Variants in VDR observed in about 807,000 individuals in gnomAD.
VDR encodes the protein vitamin D3 receptor.
In VDR, 19 loss-of-function variants were observed where a neutral mutation model predicts 39.7. That is an observed-to-expected ratio of 0.48 (90% CI 0.33 to 0.70). The LOEUF (loss-of-function observed/expected upper bound fraction) is 0.70, where lower values mean the gene tolerates loss of function less well. Ranked by LOEUF, VDR falls within the 30% of genes least tolerant of loss-of-function variation. The pLI is 0.02. For synonymous variants in VDR, 242 were observed against 215.8 expected (o/e 1.12, Z -1.07); for missense variants, 442 against 570.5 (o/e 0.77, Z 2.29).
chr12:47,903,380 C>A (rs984607891), intron 1 of VDR, among the ~76,000 whole-genome samples: 13 of 152,216 alleles, frequency 8.5e-5, no homozygotes, highest in Non-Finnish European at 1.8e-4. Flanking sequence ...GCAGGGAGGG[C>A]TACTTCTGTT....
intron 6 of VDR, 72 bp from the exon 7 acceptor site, chr12:47,855,873 C>T (rs150608767): frequency 2.5e-6 from 4 of 1,593,136 alleles, no homozygotes; most frequent in Non-Finnish European, 2.6e-6. Context: ...CCAGACCCTG[C>T]AAAAACCTGG....
chr12:47,865,155 G>A lies in VDR; in HGVS notation c.169C>T (p.Leu57=), dbSNP rs1158802070. Residue 57 remains leucine, a synonymous_variant, in exon 4 of 10, where the codon CTA becomes TTA. Transcript: ENST00000549336. ...TCCCCGTTGAAGGGGCAGGTGAATA[G>A]TGCCTTCCGCTTCATGCTTCGCCTG... The part of the protein sequence containing the change: ...FFRRSMKRKA[L]FTCPFNGDCR... 6.2e-7 allele frequency: 1 copy of A among 1,613,132 alleles called. No homozygotes were observed. The highest frequency in any genetic ancestry group is 8.5e-7 in the Non-Finnish European group (1 of 1,179,422).
chr12:47,892,580 C>T (rs1035721159), intron 1 of VDR, among the ~76,000 whole-genome samples: 11 of 152,230 alleles, frequency 7.2e-5, no homozygotes, highest in Admixed American at 6.5e-4. Context: ...CTGGCCTCTG[C>T]TGCCTTATCT....
rs576935202 is a variant in VDR at position 47,890,016 on chromosome 12, A to C, written c.-83-7242T>G. 1.3e-4 allele frequency among the ~76,000 whole-genome samples: 19 copies of C among 151,508 alleles called. No individual in the cohort carries two copies. In the South Asian group the frequency reaches 3.4e-3, roughly 27 times the overall value. On this transcript the variant is annotated intron_variant, in intron 1 of 9. Coordinates refer to ENST00000549336, the MANE Select transcript of VDR (RefSeq NM_000376.3). ...TAATTGCACATCACTCCTTTATTATACTGATCTGGAAAAAGGATTTAGTAC... is the reference window on the plus strand; with the variant it reads ...TAATTGCACATCACTCCTTTATTATCCTGATCTGGAAAAAGGATTTAGTAC...
Position 47,879,117 on chromosome 12 carries a change from TGTAA to T in VDR, c.-2-6_-2-3del. ...TGCTGGCCGCCATTGCCTCCATCCC[TGTAA>T]GAACAGCAAGCAGGCCACGGTCAGA... On this transcript the variant is annotated splice_region_variant and splice_polypyrimidine_tract_variant and intron_variant, in intron 2 of 9. Transcript: ENST00000549336. 1 of 1,613,602 alleles carries T rather than the reference TGTAA, an allele frequency of 6.2e-7. No homozygotes were observed.
At chr12:47,863,075 C>T (rs938708660) in intron 4 of VDR, among the ~76,000 whole-genome samples, 1 of 152,146 alleles carries the variant, frequency 6.6e-6, no homozygotes, top group African/African-American at 2.4e-5. Flanking sequence ...GGGTGGACAT[C>T]GCTTCTGGGC....
chr12:47,848,281 T>C (rs1945317866), intron 7 of VDR, among the ~76,000 whole-genome samples: 1 of 152,056 alleles, frequency 6.6e-6, no homozygotes, highest in Non-Finnish European at 1.5e-5. Context: ...TCCTCTCATC[T>C]TGGCCTCTCA....
chr12:47,844,915 G>C lies in VDR; in HGVS notation c.1115C>G (p.Pro372Arg), dbSNP rs771926584. The change falls in exon 10 of 10, where the codon CCG becomes CGG. Residue 372 changes from proline to arginine, a missense_variant. By Grantham distance (103) the Pro-to-Arg change is moderately radical (BLOSUM62 -2). Coordinates refer to ENST00000549336, the MANE Select transcript of VDR (RefSeq NM_000376.3). ...TLQTYIRCRHPPPGSHLLYAK... is the reference protein window; with the variant it reads ...TLQTYIRCRHRPPGSHLLYAK... ...ATAGAGCAGGTGGCTGCCCGGGGGC[G>C]GGTGGCGGCAGCGGATGTACGTCTG... The C allele has an allele frequency of 6.2e-7, 1 of 1,614,016 alleles. No individual in the cohort carries two copies. Among genetic ancestry groups the C allele is most frequent in the Non-Finnish European group, 8.5e-7 (1 of 1,180,018 alleles).
intron 1 of VDR, among the ~76,000 whole-genome samples, chr12:47,889,021 C>G (rs751655879): frequency 1.3e-5 from 2 of 151,954 alleles, no homozygotes; most frequent in African/African-American, 4.8e-5. Flanking sequence ...CTCTGTATTC[C>G]ATATGTACAA....
Position 47,846,239 on chromosome 12 carries a change from C to T in VDR, c.1024+96G>A, listed in dbSNP as rs186193283. 5 of 1,016,376 alleles carry T rather than the reference C, an allele frequency of 4.9e-6. No individual in the cohort carries two copies. In the African/African-American group the frequency reaches 7.9e-5, roughly 16 times the overall value. The allele number at this position is 1,016,376 out of a possible 1,614,324, so 63.0% of individuals were successfully genotyped here. On this transcript the variant is annotated intron_variant, in intron 9 of 9. Coordinates refer to ENST00000549336, the MANE Select transcript of VDR (RefSeq NM_000376.3). ...TTATCTGTGTCTCCTTTTGCTACGTCTCCCTTCAGGTTGCCCAGCTGGCCC... is the reference window on the plus strand; with the variant it reads ...TTATCTGTGTCTCCTTTTGCTACGTTTCCCTTCAGGTTGCCCAGCTGGCCC...
At chr12:47,873,339 T>TA (rs1945924589) in intron 3 of VDR, among the ~76,000 whole-genome samples, 1 of 144,050 alleles carries the variant, frequency 6.9e-6, no homozygotes, top group Non-Finnish European at 1.5e-5. Context: ...ATGAGTCAAT[T>TA]AAACCTGTTT....
intron 1 of VDR, chr12:47,904,686 A>G: frequency 2.0e-6 from 3 of 1,510,610 alleles, no homozygotes; most frequent in Non-Finnish European, 2.7e-6. Flanking sequence ...CCAAGTGCTA[A>G]GCACTGTGTT....
chr12:47,894,763 C>G (rs1946435805), intron 1 of VDR, among the ~76,000 whole-genome samples: 3 of 152,152 alleles, frequency 2.0e-5, no homozygotes, highest in South Asian at 2.1e-4. Context: ...GGGCCACTAA[C>G]TGGGGTCACT....
Position 47,844,852 on chromosome 12 carries a change from A to C in VDR, c.1178T>G (p.Leu393Arg). Residue 393 changes from leucine (L) to arginine (R), a missense_variant, in exon 10 of 10, where the codon CTC becomes CGC. Physicochemically the swap from Leu to Arg is moderately radical, Grantham distance 102. Transcript: ENST00000549336. ...MIQKLADLRS[L>R]NEEHSKQYRC... Reference sequence around the variant, plus strand: ...GTACTGCTTGGAGTGCTCCTCATTGAGGCTGCGCAGGTCGGCTAGCTTCTG... The same window carrying C: ...GTACTGCTTGGAGTGCTCCTCATTGCGGCTGCGCAGGTCGGCTAGCTTCTG... 1 of 1,614,166 alleles carries C rather than the reference A, an allele frequency of 6.2e-7. No individual in the cohort carries two copies. Among genetic ancestry groups the C allele is most frequent in the South Asian group, 1.1e-5 (1 of 91,086 alleles).
chr12:47,864,000 C>T (rs888379976), intron 4 of VDR, among the ~76,000 whole-genome samples: 5 of 152,208 alleles, frequency 3.3e-5, no homozygotes, highest in Admixed American at 2.0e-4. Context: ...CCACTCCAAA[C>T]GGTCCCATAG....
At chr12:47,870,993 T>A (rs12721395) in intron 3 of VDR, among the ~76,000 whole-genome samples, 44,612 of 151,718 alleles carry the variant, frequency 0.29, 7,289 homozygotes, top group East Asian at 0.69. Context: ...GGCCTACATG[T>A]ATGTGAGAGG....
intron 1 of VDR, among the ~76,000 whole-genome samples, chr12:47,902,531 C>A (rs1245927439): frequency 6.6e-6 from 1 of 152,222 alleles, no homozygotes; most frequent in African/African-American, 2.4e-5. Flanking sequence ...GGCTCTTAAT[C>A]AAATCTGGTC....
rs114678556 is a variant in VDR, at chr12:47,844,957, C to T, written c.1073G>A (p.Arg358His). ...DAALIEAIQD[R>H]LSNTLQTYIR... ...GTACGTCTGCAGTGTGTTGGACAGG[C>T]GGTCCTGGATGGCCTCAATCAGCGC... Residue 358 changes from arginine to histidine, a missense_variant, in exon 10 of 10, where the codon CGC becomes CAC. Arg to His is a conservative substitution (Grantham distance 29). This residue lies in a region of VDR where 173 missense variants were observed against 252.0 expected (regional missense o/e 0.69). Coordinates refer to ENST00000549336, the MANE Select transcript of VDR (RefSeq NM_000376.3). 2.2e-4 allele frequency: 348 copies of T among 1,613,932 alleles called. 1 individual carries two copies. The African/African-American group carries it at 4.0e-3, about 18-fold the overall frequency.
At chr12:47,858,565 G>A (rs1017172302) in intron 4 of VDR, among the ~76,000 whole-genome samples, 1 of 152,248 alleles carries the variant, frequency 6.6e-6, no homozygotes, top group African/African-American at 2.4e-5. Flanking sequence ...GCAGGCTTCT[G>A]CCTGCCTCCC....
Sources: gnomAD v4.1 joint callset for allele counts (sites outside exome capture counted in the v4.1 genomes callset) on GRCh38, gnomAD v4.1.1 for gene constraint, gnomAD v4.1.1 regional missense constraint, MANE v1.5 for transcripts, NCBI Gene and HGNC (gene_info 2026-07-23, HGNC 2026-07-21) for gene names.